Variants in NUP160 observed in about 807,000 individuals in gnomAD.
The protein encoded by NUP160 is nuclear pore complex protein Nup160.
Under a neutral mutation model 196.9 loss-of-function variants are expected in NUP160, and 94 were observed. That is an observed-to-expected ratio of 0.48 (90% CI 0.40 to 0.57). The LOEUF is 0.57. Among genes scored for constraint, NUP160 ranks in the 20% least tolerant of loss-of-function variants. The pLI is 0.00. For missense variants in NUP160, 1,638 were observed against 1,748.3 expected, an observed-to-expected ratio of 0.94 and a Z score of 1.13; for synonymous variants, 605 against 619.7, an observed-to-expected ratio of 0.98 and a Z score of 0.35.
chr11:47,785,961 T>C (rs1206360095), intron 32 of NUP160, among the ~76,000 whole-genome samples: 1 of 152,182 alleles, frequency 6.6e-6, no homozygotes, highest in African/African-American at 2.4e-5. Context: ...CTGAAGTATA[T>C]TTACGTGGAC....
chr11:47,810,378 T>C (rs1374304390), intron 17 of NUP160, among the ~76,000 whole-genome samples: 3 of 151,842 alleles, frequency 2.0e-5, no homozygotes, highest in African/African-American at 7.3e-5. Flanking sequence ...TTGTATTTTT[T>C]TGTAGAGATG....
chr11:47,794,286 G>C (rs2097669614), intron 27 of NUP160, among the ~76,000 whole-genome samples: 1 of 152,142 alleles, frequency 6.6e-6, no homozygotes, highest in African/African-American at 2.4e-5. Context: ...GAGGTCAGGA[G>C]ATCGAGACCA....
Position 47,822,086 on chromosome 11 carries a change from C to T in NUP160, c.1179+1G>A. The T allele has an allele frequency of 6.3e-7, 1 of 1,594,270 alleles. No individual in the cohort carries two copies. The highest frequency in any genetic ancestry group is 8.6e-7 in the Non-Finnish European group (1 of 1,164,726). On this transcript the variant is annotated splice_donor_variant, in intron 8 of 35. Transcript: ENST00000378460. LOFTEE classifies it high-confidence loss of function. ...GATATGCAAAGGATGAATCAACCTA[C>T]CTGAGAAGTGAACAGTGAAGAAATA...
chr11:47,800,844 T>C (rs2097673803), intron 23 of NUP160, among the ~76,000 whole-genome samples: 1 of 152,168 alleles, frequency 6.6e-6, no homozygotes, highest in Non-Finnish European at 1.5e-5. Context: ...TATGGTGAAA[T>C]GTTATACAAT....
chr11:47,841,199 T>TTTTTC (rs1366381296), intron 2 of NUP160: 1 of 177,766 alleles, frequency 5.6e-6, no homozygotes, highest in Non-Finnish European at 1.2e-5. Context: ...TTTATTTATT[T>TTTTTC]TTTTCTTTTT....
At chr11:47,818,104 A>T (rs780374822) in exon 11 of NUP160, 3 of 1,611,340 alleles carry the variant, frequency 1.9e-6, no homozygotes, top group Non-Finnish European at 2.5e-6. Flanking sequence ...CTGGTGTAAA[A>T]AGACTTTGCA....
intron 4 of NUP160, chr11:47,839,478 T>C (rs1356246451): frequency 4.2e-6 from 1 of 240,124 alleles, no homozygotes; most frequent in African/African-American, 2.3e-5. Context: ...GCTAATACAA[T>C]AATCCAGGCA....
At chr11:47,779,034 A>C in exon 36 of NUP160, 1 of 1,090,114 alleles carries the variant, frequency 9.2e-7, no homozygotes, top group Non-Finnish European at 1.4e-6. Context: ...CCTTGAGTAC[A>C]GGGTTCCTGT....
chr11:47,835,965 G>C (rs1445832897), intron 6 of NUP160, among the ~76,000 whole-genome samples, 156 bp from the exon 7 acceptor site: 1 of 152,208 alleles, frequency 6.6e-6, no homozygotes, highest in Non-Finnish European at 1.5e-5. Context: ...GGCTAACACA[G>C]GCCGGGCGCA....
At chr11:47,794,984 C>G (rs1599311231) in intron 27 of NUP160, among the ~76,000 whole-genome samples, 4 of 151,966 alleles carry the variant, frequency 2.6e-5, no homozygotes, top group African/African-American at 9.6e-5. Context: ...GCCTGTAATC[C>G]CAGCTACTTG....
At chr11:47,834,822 G>A (rs1412904383) in intron 7 of NUP160, among the ~76,000 whole-genome samples, 1 of 152,160 alleles carries the variant, frequency 6.6e-6, no homozygotes, top group African/African-American at 2.4e-5. Flanking sequence ...ACTTCGGGGG[G>A]AGGAGCACGA....
intron 34 of NUP160, among the ~76,000 whole-genome samples, chr11:47,782,307 TATATATATATA>T (rs2097661782): frequency 1.0e-4 from 1 of 9,956 alleles, no homozygotes; most frequent in African/African-American, 5.0e-4. Context: ...AAAAAAAATA[TATATATATATA>T]TATATATATA....
chr11:47,801,029 G>A (rs1256955214), intron 23 of NUP160, among the ~76,000 whole-genome samples: 1 of 152,102 alleles, frequency 6.6e-6, no homozygotes, highest in East Asian at 1.9e-4. Context: ...TAGAGCATGC[G>A]CTTGACTTGA....
chr11:47,834,819 G>A (rs922180158), intron 7 of NUP160, among the ~76,000 whole-genome samples: 3 of 152,180 alleles, frequency 2.0e-5, no homozygotes, highest in African/African-American at 7.2e-5. Flanking sequence ...CTGACTTCGG[G>A]GGGAGGAGCA....
At position 47,804,635 on chromosome 11, in the gene NUP160, G is replaced by GA. The variant is rs2097676397; in HGVS notation, c.2607-18dup. The GA allele has an allele frequency of 2.0e-6, 3 of 1,493,302 alleles. No homozygotes were observed. Among genetic ancestry groups the GA allele is most frequent in the Middle Eastern group, 1.7e-4 (1 of 5,718 alleles). 92.5% of individuals were successfully genotyped at this position (1,493,302 alleles called of 1,614,324 possible). The stretch of plus-strand genomic sequence containing the variant: ...CTAGGCCATCTAGTCATTGGTTAAG[G>GA]ATATTTCTTAATTTTTGTTGGCAAA... On this transcript the variant is annotated splice_polypyrimidine_tract_variant and intron_variant, in intron 20 of 35. Transcript: ENST00000378460.
intron 7 of NUP160, among the ~76,000 whole-genome samples, chr11:47,831,993 C>A (rs1852086969): frequency 6.9e-6 from 1 of 145,396 alleles, no homozygotes; most frequent in Non-Finnish European, 1.5e-5. Flanking sequence ...CCTCCGCCTC[C>A]CAGGTTCAAA....
intron 27 of NUP160, 48 bp from the exon 28 acceptor site, chr11:47,792,994 TC>T: frequency 1.3e-6 from 2 of 1,559,062 alleles, no homozygotes; most frequent in East Asian, 2.3e-5. Context: ...AATTTTTTTT[TC>T]TTTTTTTTGG....
chr11:47,837,229 T>C (rs1026763191), intron 5 of NUP160, among the ~76,000 whole-genome samples: 3 of 152,240 alleles, frequency 2.0e-5, no homozygotes, highest in Non-Finnish European at 2.9e-5. Flanking sequence ...CCTTTTATAT[T>C]GTTTTCCTGT....
At chr11:47,826,116 A>G (rs1032003011) in intron 7 of NUP160, among the ~76,000 whole-genome samples, 3 of 152,178 alleles carry the variant, frequency 2.0e-5, no homozygotes, top group African/African-American at 7.2e-5. Context: ...CATAAAATCA[A>G]TTTAGCAGGT....
Sources: allele counts gnomAD v4.1 joint callset (sites outside exome capture counted in the v4.1 genomes callset), GRCh38; gene constraint gnomAD v4.1.1; transcripts MANE v1.5; gene names NCBI Gene and HGNC (gene_info 2026-07-23, HGNC 2026-07-21).